The following SLC13A4 variants were observed in gnomAD, a reference collection of about 807,000 sequenced individuals.
The protein encoded by SLC13A4 is solute carrier family 13 member 4.
A neutral mutation model predicts 72.7 loss-of-function variants in SLC13A4; 28 were observed. The ratio of observed to expected loss-of-function variants is 0.39; its 90% CI spans 0.29 to 0.53. The LOEUF is 0.53. Among genes scored for constraint, SLC13A4 ranks in the 20% least tolerant of loss-of-function variants. The pLI, the probability that SLC13A4 is intolerant of heterozygous loss-of-function variation, is 0.78. For missense variants in SLC13A4, 653 were observed against 788.0 expected, an observed-to-expected ratio of 0.83 and a Z score of 2.05; for synonymous variants, 312 against 325.5, an observed-to-expected ratio of 0.96 and a Z score of 0.45.
chr7:135,695,353 G>T lies in SLC13A4; in HGVS notation c.1019+15C>A, dbSNP rs1167954410. 1 of 1,613,474 alleles carries T rather than the reference G, an allele frequency of 6.2e-7. No individual in the cohort carries two copies. Among genetic ancestry groups the T allele is most frequent in the African/African-American group, 1.3e-5 (1 of 74,912 alleles). ...GGGGGCTTCAGTGCTTTGCTGAAAG[G>T]GCCCTGGAACTCACTTGCAGCCCAG... On this transcript the variant is annotated intron_variant, in intron 9 of 15. Transcript: ENST00000682651.
At chr7:135,717,323 C>T (rs1796453699) in intron 2 of SLC13A4, among the ~76,000 whole-genome samples, 1 of 152,152 alleles carries the variant, frequency 6.6e-6, no homozygotes, top group Non-Finnish European at 1.5e-5. Context: ...TATTTAATAA[C>T]TTCTGTTTCA....
intron 13 of SLC13A4, chr7:135,689,012 A>T (rs1351427341): frequency 6.6e-6 from 1 of 152,088 alleles, no homozygotes; most frequent in Non-Finnish European, 1.5e-5. Context: ...CAACCTCCTG[A>T]GTAGCTGGGA....
At position 135,721,387 on chromosome 7, in the gene SLC13A4, AGT is replaced by A. The variant is rs1278067157; in HGVS notation, c.228+6_228+7del. 5 of 1,613,622 alleles carry A rather than the reference AGT, an allele frequency of 3.1e-6. No homozygotes were observed. Among genetic ancestry groups the A allele is most frequent in the Non-Finnish European group, 4.2e-6 (5 of 1,179,770 alleles). ...CCAGGCAGGGGGTGGGGCTACAAGT[AGT>A]CTAACCTCATTGGACCGGAGGACTC... On this transcript the variant is annotated splice_donor_region_variant and intron_variant, in intron 2 of 15. Transcript: ENST00000682651.
In SLC13A4 at chr7:135,689,356, A is replaced by G. The variant is rs558373228; in HGVS notation, c.1446+1845T>C. ...GTCCAGTAATGATGAACAGTTAAAA[A>G]GAATGAAGGGTTCTAATTGACTGCA... On this transcript the variant is annotated intron_variant, in intron 13 of 15. Coordinates refer to ENST00000682651, the MANE Select transcript of SLC13A4 (RefSeq NM_001318192.2). Among the ~76,000 whole-genome samples the G allele has an allele frequency of 2.0e-5, 3 of 152,366 alleles. No individual in the cohort carries two copies. In the East Asian group the frequency reaches 5.8e-4, roughly 29 times the overall value.
intron 1 of SLC13A4, among the ~76,000 whole-genome samples, chr7:135,726,013 C>T (rs1035593233): frequency 2.0e-5 from 3 of 152,112 alleles, no homozygotes; most frequent in African/African-American, 4.8e-5. Context: ...GGATGAAACT[C>T]TACCTGCTGG....
chr7:135,689,911 G>A (rs995071045), intron 13 of SLC13A4, among the ~76,000 whole-genome samples: 4 of 152,208 alleles, frequency 2.6e-5, no homozygotes, highest in African/African-American at 9.6e-5. Flanking sequence ...CGGGCACAGT[G>A]GCTCATGCCT....
rs781480857 is a variant in SLC13A4 at position 135,705,591 on chromosome 7, C to G, written c.593+5G>C. On this transcript the variant is annotated splice_donor_5th_base_variant and intron_variant, in intron 5 of 15. Coordinates refer to ENST00000682651, the MANE Select transcript of SLC13A4 (RefSeq NM_001318192.2). ...CGCTGTCTGGGAGAGGGCAGTCATA[C>G]TCACTCTTCATTGACAAAGATGAGT... The G allele has an allele frequency of 3.1e-6, 5 of 1,613,610 alleles. No homozygotes were observed. The Admixed American group carries it at 5.0e-5, about 16-fold the overall frequency.
chr7:135,681,824 G>A, intron 15 of SLC13A4, 124 bp from the exon 16 acceptor site: 1 of 1,369,320 alleles, frequency 7.3e-7, no homozygotes, highest in South Asian at 1.4e-5. Context: ...TGCTGCCTGG[G>A]GTGCTCTAGC....
At chr7:135,714,071 C>T (rs184794968) in intron 2 of SLC13A4, among the ~76,000 whole-genome samples, 10 of 152,332 alleles carry the variant, frequency 6.6e-5, no homozygotes, top group African/African-American at 1.2e-4. Flanking sequence ...CTGTTTCTGC[C>T]GGGTAAGCCC....
rs1377641859 is a variant in SLC13A4 at position 135,681,887 on chromosome 7, A to T, written c.1747-187T>A. ...GGAAAGGCGGGAAAGGGACAATTAGAGTCATCTCCACTTCATGCTTACAGC... is the reference window on the plus strand; with the variant it reads ...GGAAAGGCGGGAAAGGGACAATTAGTGTCATCTCCACTTCATGCTTACAGC... On this transcript the variant is annotated intron_variant, in intron 15 of 15. Transcript: ENST00000682651. Among the ~76,000 whole-genome samples, 8 of 152,164 alleles carry T rather than the reference A, an allele frequency of 5.3e-5. No individual in the cohort carries two copies. In the East Asian group the frequency reaches 1.5e-3, roughly 29 times the overall value.
At chr7:135,723,985 C>T (rs1315307106) in intron 1 of SLC13A4, among the ~76,000 whole-genome samples, 1 of 152,162 alleles carries the variant, frequency 6.6e-6, no homozygotes, top group Non-Finnish European at 1.5e-5. Context: ...AATAAAACTA[C>T]CTAAAGGAGT....
At chr7:135,685,930 C>G (rs1022680157) in intron 13 of SLC13A4, among the ~76,000 whole-genome samples, 2 of 152,198 alleles carry the variant, frequency 1.3e-5, no homozygotes, top group African/African-American at 4.8e-5. Flanking sequence ...GGAGAGCCAC[C>G]CTAATTGCCA....
chr7:135,707,996 C>T lies in SLC13A4; in HGVS notation c.365+118G>A, dbSNP rs527841119. ...TCCTATGGCTCTGGTGTCAGCCCGA[C>T]CCTTTGGTAAAAAAACAGCTGAAGT... On this transcript the variant is annotated intron_variant, in intron 3 of 15. Transcript: ENST00000682651. The T allele has an allele frequency of 9.1e-6, 12 of 1,325,654 alleles. No homozygotes were observed. In the East Asian group the frequency reaches 2.8e-4, roughly 31 times the overall value. The allele number at this position is 1,325,654 out of a possible 1,614,324, so 82.1% of individuals were successfully genotyped here.
intron 8 of SLC13A4, among the ~76,000 whole-genome samples, chr7:135,698,823 C>T (rs6959425): frequency 1.4e-4 from 21 of 150,956 alleles, no homozygotes; most frequent in African/African-American, 4.4e-4. Context: ...TTAGTAGAGA[C>T]GGAGTTTCAC....
At chr7:135,691,721 G>A in intron 11 of SLC13A4, 76 bp from the exon 12 acceptor site, 1 of 1,009,220 alleles carries the variant, frequency 9.9e-7, no homozygotes, top group Non-Finnish European at 1.5e-6. Flanking sequence ...GGAGCAGTCT[G>A]TCCGAACACA....
At chr7:135,700,045 A>G (rs942937141) in intron 7 of SLC13A4, among the ~76,000 whole-genome samples, 1 of 152,154 alleles carries the variant, frequency 6.6e-6, no homozygotes, top group Non-Finnish European at 1.5e-5. Context: ...AAATCTGGCC[A>G]TTCAAGTCCA....
intron 2 of SLC13A4, among the ~76,000 whole-genome samples, chr7:135,719,289 G>A (rs1796493511): frequency 6.6e-6 from 1 of 152,232 alleles, no homozygotes; most frequent in Non-Finnish European, 1.5e-5. Flanking sequence ...TGCCCTTGGA[G>A]AAACAGAGAC....
intron 8 of SLC13A4, 24 bp downstream of exon 8, chr7:135,699,340 T>C: frequency 6.3e-7 from 1 of 1,593,074 alleles, no homozygotes; most frequent in Non-Finnish European, 8.6e-7. Context: ...TAGTAAATAT[T>C]TGTTGACCAA....
intron 3 of SLC13A4, chr7:135,707,435 A>G (rs1447713860): frequency 6.6e-6 from 1 of 152,144 alleles, no homozygotes; most frequent in Non-Finnish European, 1.5e-5. Flanking sequence ...AACCAATACT[A>G]TATTATTTAT....
Sources: allele counts gnomAD v4.1 joint callset (sites outside exome capture counted in the v4.1 genomes callset), GRCh38; gene constraint gnomAD v4.1.1; transcripts MANE v1.5; gene names NCBI Gene and HGNC (gene_info 2026-07-23, HGNC 2026-07-21).